Variants in EVC observed in about 807,000 individuals in gnomAD.
EVC encodes the protein evC complex member EVC.
Under a neutral mutation model 118.9 loss-of-function variants are expected in EVC, and 116 were observed. The ratio of observed to expected loss-of-function variants is 0.98; its 90% CI spans 0.84 to 1.14. The LOEUF is 1.14. Among genes scored for constraint, EVC ranks in the 50% most tolerant of loss-of-function variants. The pLI is 0.00. For missense variants in EVC, 1,401 were observed against 1,246.4 expected (o/e 1.12, Z -1.87); for synonymous variants, 619 against 534.7 (o/e 1.16, Z -2.18).
intron 11 of EVC, chr4:5,758,238 G>C (rs1447887969): frequency 3.1e-6 from 2 of 651,082 alleles, no homozygotes; most frequent in Admixed American, 2.5e-5. Context: ...AGGGGGCGAG[G>C]CTCTGCCAAC....
rs1577438085 is a variant in EVC, at chr4:5,752,581, C to T, written c.1099-255C>T. On this transcript the variant is annotated intron_variant, in intron 8 of 20. Transcript: ENST00000264956. ...TAGGAGGGTGGCCCTCTGGGGAGCG[C>T]TACTGGTGACTAAGTGCCTACATGC... 6.9e-6 allele frequency: 4 copies of T among 579,214 alleles called. No individual in the cohort carries two copies. In the East Asian group the frequency reaches 1.2e-4, roughly 17 times the overall value. 35.9% of individuals were successfully genotyped at this position (579,214 alleles called of 1,614,324 possible). A position where few individuals can be genotyped will look rare whatever the true frequency, so the allele number is the denominator to read the frequency against.
At position 5,745,204 on chromosome 4, in the gene EVC, G is replaced by T. The variant is rs915103359; in HGVS notation, c.802G>T (p.Asp268Tyr). The change falls in exon 7 of 21, where the codon GAT becomes TAT. Residue 268 changes from aspartate to tyrosine, a missense_variant and splice_region_variant. Coordinates refer to ENST00000264956, the MANE Select transcript of EVC (RefSeq NM_153717.3). ...TTTCTTTTTTCTTCTTCTTCTTCAG[G>T]ATTTGGAGGAACTAGAAAAGGGACT... is the stretch of plus-strand genomic sequence containing the variant. ...YQKILSKQEKDLEELEKGLQV... is the reference protein window; with the variant it reads ...YQKILSKQEKYLEELEKGLQV... 4 of 1,612,760 alleles carry T rather than the reference G, an allele frequency of 2.5e-6. No homozygotes were observed. The highest frequency in any genetic ancestry group is 2.2e-5 in the East Asian group (1 of 44,850).
chr4:5,792,229 A>G (rs901731503), intron 12 of EVC, among the ~76,000 whole-genome samples: 1 of 152,218 alleles, frequency 6.6e-6, no homozygotes, highest in African/African-American at 2.4e-5. Context: ...TCAGATTGCT[A>G]AAAAACACAT....
downstream of EVC, among the ~76,000 whole-genome samples, chr4:5,814,891 C>T (rs536290033): frequency 1.3e-5 from 2 of 152,248 alleles, no homozygotes; most frequent in African/African-American, 4.8e-5. Context: ...GATTCTAGGT[C>T]CTGTGTTCTT....
intron 8 of EVC, 94 bp downstream of exon 8, chr4:5,748,400 G>T: frequency 7.3e-7 from 1 of 1,377,628 alleles, no homozygotes; most frequent in South Asian, 1.3e-5. Flanking sequence ...ACAGATTCAT[G>T]TTGTAGCTGG....
At chr4:5,745,140 G>T in intron 6 of EVC, 64 bp from the exon 7 acceptor site, 1 of 1,493,564 alleles carries the variant, frequency 6.7e-7, no homozygotes, top group Non-Finnish European at 9.2e-7. Flanking sequence ...TATTTTTCTA[G>T]AATTTAAGAC....
intron 12 of EVC, among the ~76,000 whole-genome samples, chr4:5,792,418 G>T (rs745327086): frequency 2.6e-5 from 4 of 152,200 alleles, no homozygotes; most frequent in Non-Finnish European, 5.9e-5. Context: ...GAGAGTCATT[G>T]CATAGTGTAA....
In EVC at chr4:5,738,848, G is replaced by A. The variant is rs569940642; in HGVS notation, c.703-2868G>A. Among the ~76,000 whole-genome samples, 26 of 152,196 alleles carry A rather than the reference G, an allele frequency of 1.7e-4. No homozygotes were observed. The highest frequency in any genetic ancestry group is 6.0e-4 in the African/African-American group (25 of 41,510). On this transcript the variant is annotated intron_variant, in intron 5 of 20. Coordinates refer to ENST00000264956, the MANE Select transcript of EVC (RefSeq NM_153717.3). This position sits in a 1 kb window ranked among gnomAD's most constrained non-coding sequence, Gnocchi z 6.5. ...CCCAAAGTGCTGGGATTACGGGTGT[G>A]AGCCACCGCACCCAGCCCAACAACT...
Position 5,711,472 on chromosome 4 carries a change from C to T in EVC, c.92C>T (p.Ala31Val). The T allele has an allele frequency of 9.3e-7, 1 of 1,073,960 alleles. No individual in the cohort carries two copies. 66.5% of individuals were successfully genotyped at this position (1,073,960 alleles called of 1,614,324 possible). A position where few individuals can be genotyped will look rare whatever the true frequency, so the allele number is the denominator to read the frequency against. The change falls in exon 1 of 21, where the codon GCC becomes GTC. Residue 31 changes from alanine (A) to valine (V), a missense_variant. Transcript: ENST00000264956. ...CCGGCGCCCGCCCTGCTGGCCCCCG[C>T]CGTGCTGCTGGGCGCCGCGCTCGGC... Reference protein sequence around the residue: ...LRPAPALLAPAVLLGAALGLG... With the variant: ...LRPAPALLAPVVLLGAALGLG...
rs1736009209 is a variant in EVC at position 5,783,770 on chromosome 4, G to A, written c.1776+6G>A. The stretch of plus-strand genomic sequence containing the variant: ...TCCTAGAGCAAGACCAGCAGGTGCG[G>A]GCATTTGGGAACCCAGGGGCTGGGG... On this transcript the variant is annotated splice_donor_region_variant and intron_variant, in intron 12 of 20. Transcript: ENST00000264956. 2.5e-6 allele frequency: 4 copies of A among 1,604,540 alleles called. No individual in the cohort carries two copies. The highest frequency in any genetic ancestry group is 2.2e-5 in the South Asian group (2 of 89,888).
chr4:5,756,245 G>A lies in EVC; in HGVS notation c.1465-19G>A. On this transcript the variant is annotated intron_variant, in intron 10 of 20. Transcript: ENST00000264956. The surrounding 1 kb of genome is among the most constrained non-coding windows in gnomAD (Gnocchi z 4.2). ...ACCCTGCATGTTTCTACCAGACTCAGCTCTTGTTTTCCTCACAGGCTTTTC... is the reference window on the plus strand; with the variant it reads ...ACCCTGCATGTTTCTACCAGACTCAACTCTTGTTTTCCTCACAGGCTTTTC... The A allele has an allele frequency of 1.3e-6, 2 of 1,585,948 alleles. No homozygotes were observed. Among genetic ancestry groups the A allele is most frequent in the Non-Finnish European group, 1.7e-6 (2 of 1,158,700 alleles).
At chr4:5,713,280 C>A (rs1545789) in intron 1 of EVC, among the ~76,000 whole-genome samples, 124,966 of 152,110 alleles carry the variant, frequency 0.82, 51,538 homozygotes, top group African/African-American at 0.89. Context: ...TAATGAGATT[C>A]TTTTCCTCCT....
chr4:5,717,689 C>T (rs1051206528), intron 1 of EVC, among the ~76,000 whole-genome samples: 2 of 152,246 alleles, frequency 1.3e-5, no homozygotes, highest in African/African-American at 4.8e-5. Context: ...AAGGCCTTTG[C>T]ACTTGCTATT....
At chr4:5,751,584 G>A (rs1730375588) in intron 8 of EVC, among the ~76,000 whole-genome samples, 1 of 152,256 alleles carries the variant, frequency 6.6e-6, no homozygotes, top group Non-Finnish European at 1.5e-5. Flanking sequence ...ACAGAGGCCA[G>A]TGCAGCTCAG....
chr4:5,726,568 C>CTTTTTTTTTTTTTTTT (rs34483285), intron 2 of EVC, among the ~76,000 whole-genome samples: 1 of 134,480 alleles, frequency 7.4e-6, no homozygotes, highest in Admixed American at 7.6e-5. Context: ...CTTCTCTTTT[C>CTTTTTTTTTTTTTTTT]TTTTTTTTTT....
chr4:5,769,966 A>G (rs1733690688), intron 11 of EVC, among the ~76,000 whole-genome samples: 1 of 151,864 alleles, frequency 6.6e-6, no homozygotes, highest in South Asian at 2.1e-4. Context: ...CACCAGAAGG[A>G]CTCCCAGCAC....
At chr4:5,767,158 C>A (rs1286052769) in intron 11 of EVC, among the ~76,000 whole-genome samples, 1 of 151,660 alleles carries the variant, frequency 6.6e-6, no homozygotes, top group Non-Finnish European at 1.5e-5. Flanking sequence ...GAGTACCCTG[C>A]TGTGTGAGGT....
chr4:5,802,117 A>G (rs1715119107), intron 16 of EVC, 23 bp downstream of exon 16: 2 of 1,613,992 alleles, frequency 1.2e-6, no homozygotes, highest in Non-Finnish European at 1.7e-6. Flanking sequence ...CCCTCAGGGA[A>G]GCCCCAGAAG....
intron 5 of EVC, 126 bp from the exon 6 acceptor site, chr4:5,741,590 G>A: frequency 3.2e-6 from 2 of 630,806 alleles, no homozygotes; most frequent in Non-Finnish European, 5.8e-6. Flanking sequence ...GTGAAGAGAG[G>A]GTGAAAGAGA....
Sources: gnomAD v4.1 joint callset for allele counts (sites outside exome capture counted in the v4.1 genomes callset) on GRCh38, gnomAD v4.1.1 for gene constraint, Gnocchi (gnomAD v3.1) non-coding constraint, MANE v1.5 for transcripts, NCBI Gene and HGNC (gene_info 2026-07-23, HGNC 2026-07-21) for gene names.